The following KCNQ1 variants were observed in gnomAD, a reference collection of about 807,000 sequenced individuals.
KCNQ1 encodes potassium voltage-gated channel subfamily Q member 1, also known as potassium voltage-gated channel subfamily KQT member 1.
Under a neutral mutation model 72.4 loss-of-function variants are expected in KCNQ1, and 49 were observed. That is an observed-to-expected ratio of 0.68 (90% CI 0.54 to 0.86). KCNQ1 has a LOEUF of 0.86. KCNQ1 is among the 40% of genes least tolerant of loss of function. The pLI is 0.00. For synonymous variants in KCNQ1, 450 were observed against 412.6 expected (o/e 1.09, Z -1.10); for missense variants, 790 against 945.1 (o/e 0.84, Z 2.15).
At position 2,566,483 on chromosome 11, in the gene KCNQ1, G is replaced by A. The variant is rs1288706464; in HGVS notation, c.478-4145G>A. ...CTGGCTTTCCTCCTCTGTAAAATGT[G>A]AACAGAGGCCACCACCCCCATTATG... is the stretch of plus-strand genomic sequence containing the variant. On this transcript the variant is annotated intron_variant, in intron 2 of 15. Transcript: ENST00000155840. This position sits in a 1 kb window ranked among gnomAD's most constrained non-coding sequence, Gnocchi z 6.7. Among the ~76,000 whole-genome samples, 2 of 152,028 alleles carry A rather than the reference G, an allele frequency of 1.3e-5. No homozygotes were observed. The highest frequency in any genetic ancestry group is 2.9e-5 in the Non-Finnish European group (2 of 68,016).
At chr11:2,770,127 A>G (rs551602003) in intron 12 of KCNQ1, among the ~76,000 whole-genome samples, 2 of 152,202 alleles carry the variant, frequency 1.3e-5, no homozygotes, top group Non-Finnish European at 2.9e-5. Context: ...CCCTGCAGCC[A>G]TGTCTTTCAC....
intron 11 of KCNQ1, among the ~76,000 whole-genome samples, chr11:2,705,300 G>T (rs1850888472): frequency 6.6e-6 from 1 of 152,186 alleles, no homozygotes; most frequent in Non-Finnish European, 1.5e-5. Context: ...TGGCAGCACG[G>T]GGTGTGGGCC....
chr11:2,814,598 G>A (rs1013046035), intron 15 of KCNQ1, among the ~76,000 whole-genome samples: 5 of 148,894 alleles, frequency 3.4e-5, no homozygotes, highest in Non-Finnish European at 7.4e-5. Context: ...ATGGATAGGT[G>A]GATGGGTAGA....
chr11:2,661,404 C>T lies in KCNQ1; in HGVS notation c.1394-557C>T. On this transcript the variant is annotated intron_variant, in intron 10 of 15. Coordinates refer to ENST00000155840, the MANE Select transcript of KCNQ1 (RefSeq NM_000218.3). This position sits in a 1 kb window ranked among gnomAD's most constrained non-coding sequence, Gnocchi z 5.9. ...TGTGAAGCCAGCTGTTGGAGGGACT[C>T]CTGTGCCTCATTGGGGGTACAACTG... 2.4e-6 allele frequency: 1 copy of T among 413,422 alleles called. No individual in the cohort carries two copies. The highest frequency in any genetic ancestry group is 4.3e-6 in the Non-Finnish European group (1 of 234,070). 25.6% of individuals were successfully genotyped at this position (413,422 alleles called of 1,614,324 possible).
chr11:2,499,133 C>T (rs1179077023), intron 1 of KCNQ1, among the ~76,000 whole-genome samples: 1 of 150,910 alleles, frequency 6.6e-6, no homozygotes, highest in Non-Finnish European at 1.5e-5. Flanking sequence ...ATCTCACTGA[C>T]AGCTACAGAC....
chr11:2,772,062 C>T lies in KCNQ1; in HGVS notation c.1590+3143C>T, dbSNP rs532934532. Among the ~76,000 whole-genome samples the T allele has an allele frequency of 5.3e-5, 8 of 152,316 alleles. No individual in the cohort carries two copies. Among genetic ancestry groups the T allele is most frequent in the Non-Finnish European group, 1.0e-4 (7 of 68,022 alleles). ...TGCACAAAGCCGCTGGGGCTCCCTCCGACCTCACCAGCTGGCTCTTATTGC... is the reference window on the plus strand; with the variant it reads ...TGCACAAAGCCGCTGGGGCTCCCTCTGACCTCACCAGCTGGCTCTTATTGC... On this transcript the variant is annotated intron_variant, in intron 12 of 15. Transcript: ENST00000155840. This position sits in a 1 kb window ranked among gnomAD's most constrained non-coding sequence, Gnocchi z 6.6.
intron 11 of KCNQ1, among the ~76,000 whole-genome samples, chr11:2,730,834 G>A (rs891489040): frequency 1.3e-5 from 2 of 152,204 alleles, no homozygotes; most frequent in African/African-American, 4.8e-5. Flanking sequence ...GGGGACAGAC[G>A]CTGGAGCCGT....
rs186403060 is a variant in KCNQ1, at chr11:2,682,328, G to C, written c.1514+20247G>C. On this transcript the variant is annotated intron_variant, in intron 11 of 15. Transcript: ENST00000155840. This position sits in a 1 kb window ranked among gnomAD's most constrained non-coding sequence, Gnocchi z 5.8. ...TCCCATTCTTAATGTGTAACTGTGTGTTTATTTGTGGTAAAGGGTTTACTG... is the reference window on the plus strand; with the variant it reads ...TCCCATTCTTAATGTGTAACTGTGTCTTTATTTGTGGTAAAGGGTTTACTG... The C allele has an allele frequency of 2.5e-6, 1 of 398,492 alleles. No homozygotes were observed. Among genetic ancestry groups the C allele is most frequent in the Admixed American group, 4.4e-5 (1 of 22,712 alleles). 24.7% of individuals were successfully genotyped at this position (398,492 alleles called of 1,614,324 possible).
rs1291000753 is a variant in KCNQ1 at position 2,562,304 on chromosome 11, CG to C, written c.478-8322del. Among the ~76,000 whole-genome samples the C allele has an allele frequency of 1.3e-5, 2 of 152,146 alleles. No individual in the cohort carries two copies. Among genetic ancestry groups the C allele is most frequent in the African/African-American group, 4.8e-5 (2 of 41,428 alleles). The stretch of plus-strand genomic sequence containing the variant: ...CCCACAAGCTCTCAGCACAGGCTGG[CG>C]GCTGGGAGCAGCTGGCCACAGGCAG... On this transcript the variant is annotated intron_variant, in intron 2 of 15. Coordinates refer to ENST00000155840, the MANE Select transcript of KCNQ1 (RefSeq NM_000218.3). This position sits in a 1 kb window ranked among gnomAD's most constrained non-coding sequence, Gnocchi z 7.5.
chr11:2,466,635 CAGG>C (rs781614432), intron 1 of KCNQ1, among the ~76,000 whole-genome samples: 2 of 152,126 alleles, frequency 1.3e-5, no homozygotes, highest in Non-Finnish European at 2.9e-5. Flanking sequence ...CAGAAGTCCT[CAGG>C]AGAGCTTGCT....
At chr11:2,454,216 G>A (rs1289076302) in intron 1 of KCNQ1, among the ~76,000 whole-genome samples, 1 of 152,130 alleles carries the variant, frequency 6.6e-6, no homozygotes, top group Non-Finnish European at 1.5e-5. Flanking sequence ...TACCTCAAAA[G>A]GGTGGCGGGG....
At chr11:2,800,375 C>G (rs1028607681) in intron 15 of KCNQ1, among the ~76,000 whole-genome samples, 1 of 152,230 alleles carries the variant, frequency 6.6e-6, no homozygotes, top group Admixed American at 6.5e-5. Flanking sequence ...GTGCAGGCAG[C>G]TGAGCCCAGA....
At chr11:2,470,296 G>A (rs1241722088) in intron 1 of KCNQ1, among the ~76,000 whole-genome samples, 2 of 152,166 alleles carry the variant, frequency 1.3e-5, no homozygotes, top group Admixed American at 1.3e-4. Context: ...AAAGAGGTGC[G>A]TAGGAGGTTT....
chr11:2,771,023 G>A (rs771892728), intron 12 of KCNQ1, among the ~76,000 whole-genome samples: 4 of 152,266 alleles, frequency 2.6e-5, no homozygotes, highest in African/African-American at 4.8e-5. Context: ...CGTCACCCCA[G>A]CAGTAGAGCA....
intron 6 of KCNQ1, 63 bp downstream of exon 6, chr11:2,573,049 T>A: frequency 1.9e-6 from 3 of 1,567,110 alleles, no homozygotes; most frequent in Non-Finnish European, 2.6e-6. Flanking sequence ...GGGCAGGACA[T>A]CTGGGCACTG....
In KCNQ1 at chr11:2,670,805, C is replaced by T. The variant is rs1263768210; in HGVS notation, c.1514+8724C>T. ...AATAAGAATTCTTCAAGTTCAGCCTCTATGTGCATCATAAACCTGGTGCCA... is the reference window on the plus strand; with the variant it reads ...AATAAGAATTCTTCAAGTTCAGCCTTTATGTGCATCATAAACCTGGTGCCA... On this transcript the variant is annotated intron_variant, in intron 11 of 15. Coordinates refer to ENST00000155840, the MANE Select transcript of KCNQ1 (RefSeq NM_000218.3). The surrounding 1 kb of genome is among the most constrained non-coding windows in gnomAD (Gnocchi z 4.9). The T allele has an allele frequency of 5.0e-6, 2 of 398,524 alleles. No homozygotes were observed. The highest frequency in any genetic ancestry group is 8.8e-6 in the Non-Finnish European group (2 of 226,108). The allele number at this position is 398,524 out of a possible 1,614,324, so 24.7% of individuals were successfully genotyped here. A position where few individuals can be genotyped will look rare whatever the true frequency, so the allele number is the denominator to read the frequency against.
rs1008464027 is a variant in KCNQ1, at chr11:2,579,847, G to A, written c.922-3588G>A. Reference sequence around the variant, plus strand: ...GACACCCCCACCCTCAGCAGCTCTCGTCTGTTTGGGGGCAGGTTTGGAAGG... The same window carrying A: ...GACACCCCCACCCTCAGCAGCTCTCATCTGTTTGGGGGCAGGTTTGGAAGG... On this transcript the variant is annotated intron_variant, in intron 6 of 15. Coordinates refer to ENST00000155840, the MANE Select transcript of KCNQ1 (RefSeq NM_000218.3). The surrounding 1 kb of genome is among the most constrained non-coding windows in gnomAD (Gnocchi z 6.0). 1.4e-4 allele frequency among the ~76,000 whole-genome samples: 21 copies of A among 151,960 alleles called. No homozygotes were observed. Among genetic ancestry groups the A allele is most frequent in the South Asian group, 2.1e-4 (1 of 4,804 alleles).
rs1473402518 is a variant in KCNQ1, at chr11:2,544,519, C to T, written c.477+16501C>T. The stretch of plus-strand genomic sequence containing the variant: ...ATATACCACTTATTTAGATTTTTAA[C>T]TTCTGTCAGAGATGTTTCATAGTTT... On this transcript the variant is annotated intron_variant, in intron 2 of 15. Coordinates refer to ENST00000155840, the MANE Select transcript of KCNQ1 (RefSeq NM_000218.3). This position sits in a 1 kb window ranked among gnomAD's most constrained non-coding sequence, Gnocchi z 4.4. Among the ~76,000 whole-genome samples, 1 of 151,690 alleles carries T rather than the reference C, an allele frequency of 6.6e-6. No homozygotes were observed. The highest frequency in any genetic ancestry group is 1.9e-4 in the East Asian group (1 of 5,176).
At position 2,572,095 on chromosome 11, in the gene KCNQ1, T is replaced by G. The variant is rs2133730698; in HGVS notation, c.766T>G (p.Phe256Val). 1 of 1,612,246 alleles carries G rather than the reference T, an allele frequency of 6.2e-7. No homozygotes were observed. Among genetic ancestry groups the G allele is most frequent in the Admixed American group, 1.7e-5 (1 of 60,000 alleles). ...GTWRLLGSVV[F>V]IHRQELITTL... ...CTGGAGGCTCCTGGGCTCCGTGGTCTTCATCCACCGCCAGGTGGGTGGCCC... is the reference window on the plus strand; with the variant it reads ...CTGGAGGCTCCTGGGCTCCGTGGTCGTCATCCACCGCCAGGTGGGTGGCCC... The change falls in exon 5 of 16, where the codon TTC (phenylalanine) becomes GTC (valine). Residue 256 changes from phenylalanine to valine, a missense_variant. Around this residue, in one of 5 missense-constraint regions of KCNQ1, gnomAD observed 133 missense variants for 219.5 expected, o/e 0.61. Transcript: ENST00000155840.
Sources: allele counts gnomAD v4.1 joint callset (sites outside exome capture counted in the v4.1 genomes callset), GRCh38; gene constraint gnomAD v4.1.1; regional missense constraint gnomAD v4.1.1; non-coding constraint Gnocchi (gnomAD v3.1); transcripts MANE v1.5; gene names NCBI Gene and HGNC (gene_info 2026-07-23, HGNC 2026-07-21).